AOPEP: variants seen among roughly 807,000 people sequenced by gnomAD.
The protein encoded by AOPEP is aminopeptidase O (putative).
AOPEP carries 77 observed loss-of-function variants against 98.1 expected under a neutral mutation model. The ratio of observed to expected loss-of-function variants is 0.78; its 90% CI spans 0.65 to 0.95. The LOEUF (loss-of-function observed/expected upper bound fraction) is 0.95, where lower values mean the gene tolerates loss of function less well. Ranked by LOEUF, AOPEP falls within the 40% of genes least tolerant of loss-of-function variation. AOPEP has a pLI of 0.00. For missense variants in AOPEP, 1,024 were observed against 1,024.7 expected (o/e 1.00, Z 0.01); for synonymous variants, 346 against 365.3 (o/e 0.95, Z 0.60).
At position 94,888,294 on chromosome 9, in the gene AOPEP, CGTGTGT is replaced by C. The variant is rs59342995; in HGVS notation, c.1365-35659_1365-35654del. On this transcript the variant is annotated intron_variant, in intron 5 of 16. Transcript: ENST00000375315. ...GAGATGGAATCATGAAGAACCTTAC[CGTGTGT>C]GTGTGTGTGTGTGTGTGTGTGTGTG... 8.2e-4 allele frequency among the ~76,000 whole-genome samples: 113 copies of C among 137,682 alleles called. 1 individual carries two copies. The highest frequency in any genetic ancestry group is 2.1e-3 in the South Asian group (8 of 3,860). The allele number at this position is 137,682 out of a possible 152,430, so 90.3% of individuals were successfully genotyped here. A position where few individuals can be genotyped will look rare whatever the true frequency, so the allele number is the denominator to read the frequency against.
At chr9:95,001,638 C>T (rs1362672349) in intron 11 of AOPEP, among the ~76,000 whole-genome samples, 1 of 152,130 alleles carries the variant, frequency 6.6e-6, no homozygotes, top group Non-Finnish European at 1.5e-5. Context: ...AGTATTTTTT[C>T]CGTGTCATGC....
At chr9:95,071,979 G>A (rs955836669) in intron 14 of AOPEP, among the ~76,000 whole-genome samples, 6 of 152,158 alleles carry the variant, frequency 3.9e-5, no homozygotes, top group East Asian at 1.9e-4. Flanking sequence ...TGGTGGAGTC[G>A]TGCTAAAGCT....
chr9:94,989,850 C>T (rs1161573535), intron 11 of AOPEP, among the ~76,000 whole-genome samples: 3 of 149,500 alleles, frequency 2.0e-5, no homozygotes, highest in African/African-American at 4.9e-5. Context: ...ACCTTGTGAT[C>T]CGCCCGCCTC....
intron 5 of AOPEP, among the ~76,000 whole-genome samples, chr9:94,899,179 C>CTTT (rs1164742981): frequency 0.064 from 3,829 of 59,646 alleles, 515 homozygotes; most frequent in Non-Finnish European, 0.074. Context: ...TCTTCATTTG[C>CTTT]TTTTTTTTTT....
the AOPEP span, chr9:95,150,039 A>C: frequency 6.2e-7 from 1 of 1,614,148 alleles, no homozygotes. Context: ...TCAGGGTAAT[A>C]AGTGGGACAC....
chr9:94,855,705 A>G (rs1437056263), intron 5 of AOPEP, among the ~76,000 whole-genome samples: 1 of 152,210 alleles, frequency 6.6e-6, no homozygotes, highest in African/African-American at 2.4e-5. Flanking sequence ...AAATAAAAAA[A>G]AGAAAAAGAA....
the AOPEP span, chr9:95,099,759 G>A: frequency 4.7e-5 from 11 of 232,510 alleles, no homozygotes; most frequent in African/African-American, 1.5e-4. Context: ...GCACCCGTGA[G>A]AGGACTCGGC....
At chr9:94,981,052 T>A (rs2060150008) in intron 11 of AOPEP, among the ~76,000 whole-genome samples, 1 of 152,230 alleles carries the variant, frequency 6.6e-6, no homozygotes, top group Admixed American at 6.5e-5. Context: ...ACAAGAAGGC[T>A]GCTGTTTGCA....
At chr9:95,012,995 G>GT (rs1554803961) in intron 13 of AOPEP, among the ~76,000 whole-genome samples, 3 of 135,320 alleles carry the variant, frequency 2.2e-5, no homozygotes, top group Non-Finnish European at 3.2e-5. Flanking sequence ...TTTGGGGGGG[G>GT]GGGCAGGGCG....
At chr9:95,068,294 A>G (rs2068114645) in intron 14 of AOPEP, among the ~76,000 whole-genome samples, 1 of 149,374 alleles carries the variant, frequency 6.7e-6, no homozygotes, top group Non-Finnish European at 1.5e-5. Context: ...CATTTTCTCT[A>G]GCAGTGAGTA....
chr9:94,824,161 C>T (rs1336788456), intron 5 of AOPEP: 1 of 152,186 alleles, frequency 6.6e-6, no homozygotes, highest in African/African-American at 2.4e-5. Context: ...AGTCAAAAAT[C>T]TCTCACAACA....
chr9:95,075,018 C>T (rs1031665743), intron 14 of AOPEP, among the ~76,000 whole-genome samples: 2 of 152,304 alleles, frequency 1.3e-5, no homozygotes, highest in African/African-American at 2.4e-5. Context: ...CTCACTTCTC[C>T]GTGCCCTGTC....
At chr9:94,981,456 A>C (rs1020016986) in intron 11 of AOPEP, among the ~76,000 whole-genome samples, 5 of 152,176 alleles carry the variant, frequency 3.3e-5, no homozygotes, top group Non-Finnish European at 7.3e-5. Context: ...ACTGTTCAGT[A>C]AAAACAACAG....
chr9:94,918,653 G>A (rs1049376487), intron 5 of AOPEP, among the ~76,000 whole-genome samples: 1 of 152,140 alleles, frequency 6.6e-6, no homozygotes, highest in African/African-American at 2.4e-5. Context: ...CTTTCCTCAC[G>A]TGTAAAATGA....
chr9:94,995,566 A>G (rs1353270820), intron 11 of AOPEP, among the ~76,000 whole-genome samples: 1 of 152,174 alleles, frequency 6.6e-6, no homozygotes, highest in African/African-American at 2.4e-5. Context: ...CAGCAACAGC[A>G]TATTTGGTTG....
chr9:94,960,905 G>A (rs949686573), intron 9 of AOPEP, among the ~76,000 whole-genome samples: 1 of 151,642 alleles, frequency 6.6e-6, no homozygotes, highest in Non-Finnish European at 1.5e-5. Flanking sequence ...CCAGCTACTC[G>A]GGAGGCTGAG....
chr9:95,147,952 C>T, the AOPEP span, among the ~76,000 whole-genome samples: 12 of 152,262 alleles, frequency 7.9e-5, no homozygotes, highest in East Asian at 1.7e-3. Context: ...TAGGGAAATA[C>T]TTAAAGTACT....
chr9:94,942,816 C>T (rs767288743), intron 7 of AOPEP, among the ~76,000 whole-genome samples: 11 of 148,364 alleles, frequency 7.4e-5, no homozygotes, highest in Non-Finnish European at 1.3e-4. Context: ...AATTCATTTA[C>T]ATCGCTTGAA....
At chr9:94,927,836 C>T (rs2054592870) in intron 6 of AOPEP, among the ~76,000 whole-genome samples, 1 of 152,214 alleles carries the variant, frequency 6.6e-6, no homozygotes. Flanking sequence ...TGCCTTCCCT[C>T]ACAGAGGTCG....
Sources: allele counts gnomAD v4.1 joint callset (sites outside exome capture counted in the v4.1 genomes callset), GRCh38; gene constraint gnomAD v4.1.1; transcripts MANE v1.5; gene names NCBI Gene and HGNC (gene_info 2026-07-23, HGNC 2026-07-21).